Variants in ALLC observed in about 807,000 individuals in gnomAD.
ALLC encodes probable inactive allantoicase.
In ALLC, 40 loss-of-function variants were observed where a neutral mutation model predicts 45.0. The observed-to-expected ratio is 0.89, with a 90% CI of 0.69 to 1.16. ALLC has a LOEUF of 1.16. Among genes scored for constraint, ALLC ranks in the 50% most tolerant of loss-of-function variants. ALLC has a pLI of 0.00. For synonymous variants in ALLC, 176 were observed against 178.1 expected, an observed-to-expected ratio of 0.99 and a Z score of 0.09; for missense variants, 488 against 493.1, an observed-to-expected ratio of 0.99 and a Z score of 0.10.
At chr2:3,658,079 G>C (rs1424339583), upstream of ALLC, 1 of 152,504 alleles carries the variant, frequency 6.6e-6, no homozygotes. Flanking sequence ...GCAGAGGCCT[G>C]CTTGGCTTCT....
rs140256056 is a variant in ALLC, at chr2:3,680,906, A to C, written c.299-728A>C. 1.1e-3 allele frequency among the ~76,000 whole-genome samples: 175 copies of C among 152,334 alleles called. No homozygotes were observed. Among genetic ancestry groups the C allele is most frequent in the Non-Finnish European group, 1.9e-3 (128 of 68,030 alleles). ...ACATTGACATGGCAGATTCGCATCC[A>C]AGATGGAGTCACTTTGTCTCCACAG... On this transcript the variant is annotated intron_variant, in intron 5 of 11. Coordinates refer to ENST00000252505, the MANE Select transcript of ALLC (RefSeq NM_018436.4). This position sits in a 1 kb window ranked among gnomAD's most constrained non-coding sequence, Gnocchi z 4.0.
At chr2:3,684,058 T>C (rs1220091201) in intron 7 of ALLC, among the ~76,000 whole-genome samples, 1 of 152,260 alleles carries the variant, frequency 6.6e-6, no homozygotes, top group Non-Finnish European at 1.5e-5. Context: ...TAAACATTTG[T>C]GTACAAGATT....
chr2:3,663,189 G>T (rs1666617517), intron 1 of ALLC, among the ~76,000 whole-genome samples: 1 of 152,170 alleles, frequency 6.6e-6, no homozygotes, highest in South Asian at 2.1e-4. Flanking sequence ...GCTCATCAAT[G>T]ATAGACTGGA....
rs1553365151 is a variant in ALLC, at chr2:3,680,061, G to A, written c.298+67G>A. On this transcript the variant is annotated intron_variant, in intron 5 of 11. Transcript: ENST00000252505. This position sits in a 1 kb window ranked among gnomAD's most constrained non-coding sequence, Gnocchi z 4.0. ...CACATGGCTCCTCTGGCCAGCCACA[G>A]CCCCACAACTGCTCACTTTCCCTAC... The A allele has an allele frequency of 5.0e-6, 8 of 1,598,116 alleles. No individual in the cohort carries two copies. Among genetic ancestry groups the A allele is most frequent in the African/African-American group, 1.3e-5 (1 of 74,718 alleles).
chr2:3,653,950 C>T (rs543547238), upstream of ALLC, among the ~76,000 whole-genome samples: 1 of 152,312 alleles, frequency 6.6e-6, no homozygotes, highest in East Asian at 1.9e-4. The surrounding 1 kb of genome is among the most constrained non-coding windows in gnomAD (Gnocchi z 4.1). Context: ...TAGATCTTAG[C>T]TTGCATGGTT....
At chr2:3,659,809 C>A (rs1350240563) in intron 1 of ALLC, among the ~76,000 whole-genome samples, 1 of 152,220 alleles carries the variant, frequency 6.6e-6, no homozygotes, top group Non-Finnish European at 1.5e-5. Context: ...GGGCCCTGCA[C>A]AGCACAGGCC....
In ALLC at chr2:3,682,490, A is replaced by G. The variant is rs143377266; in HGVS notation, c.379-452A>G. On this transcript the variant is annotated intron_variant, in intron 6 of 11. Transcript: ENST00000252505. ...GGGCTTGATATGTACTATTTTTATTAAAGTGTTTCATTAGGTATCCATCAT... is the reference window on the plus strand; with the variant it reads ...GGGCTTGATATGTACTATTTTTATTGAAGTGTTTCATTAGGTATCCATCAT... Among the ~76,000 whole-genome samples the G allele has an allele frequency of 4.5e-3, 680 of 152,276 alleles. 3 individuals are homozygous for G. The highest frequency in any genetic ancestry group is 7.7e-3 in the Non-Finnish European group (521 of 68,020).
At chr2:3,695,070 G>T (rs1490512601) in intron 7 of ALLC, 1 of 152,230 alleles carries the variant, frequency 6.6e-6, no homozygotes, top group Non-Finnish European at 1.5e-5. Context: ...AAAACATAAG[G>T]TTCTCTTGTC....
rs1328970361 is a variant in ALLC at position 3,702,513 on chromosome 2, C to T, written c.1126C>T (p.Arg376Trp). 3 of 1,608,502 alleles carry T rather than the reference C, an allele frequency of 1.9e-6. No individual in the cohort carries two copies. The highest frequency in any genetic ancestry group is 1.7e-6 in the Non-Finnish European group (2 of 1,177,940). The part of the protein sequence containing the change: ...FPSSICLLRP[R>W]EKPMLKFSVS... ...CAGCTCCATCTGCCTCCTGAGGCCC[C>T]GGGAGAAGCCCATGTTGAAGTTCTC... Residue 376 changes from arginine (R) to tryptophan (W), a missense_variant, in exon 12 of 12, where the codon CGG becomes TGG. Arg to Trp is a moderately radical substitution (Grantham distance 101). Coordinates refer to ENST00000252505, the MANE Select transcript of ALLC (RefSeq NM_018436.4).
In ALLC at chr2:3,661,478, T is replaced by C. The variant is rs896819417; in HGVS notation, c.-63+3184T>C. Among the ~76,000 whole-genome samples the C allele has an allele frequency of 9.2e-5, 14 of 152,280 alleles. No individual in the cohort carries two copies. The East Asian group carries it at 9.6e-4, about 10-fold the overall frequency. ...GAGCTTGATGTTCTAGGAGAAATGC[T>C]TGGGGCCCAGGACCATCTGCTGGAG... is the stretch of plus-strand genomic sequence containing the variant. On this transcript the variant is annotated intron_variant, in intron 1 of 11. Transcript: ENST00000252505.
At chr2:3,666,640 G>A (rs189688294) in intron 1 of ALLC, among the ~76,000 whole-genome samples, 3 of 152,352 alleles carry the variant, frequency 2.0e-5, no homozygotes, top group African/African-American at 4.8e-5. Context: ...ACAGGGCAGC[G>A]CGCAGTCAGC....
At chr2:3,660,676 A>G (rs1666550506) in intron 1 of ALLC, among the ~76,000 whole-genome samples, 1 of 152,138 alleles carries the variant, frequency 6.6e-6, no homozygotes, top group Non-Finnish European at 1.5e-5. Flanking sequence ...CTGCTGTATC[A>G]TTCCCCTATT....
chr2:3,675,969 C>T (rs1449095913), intron 3 of ALLC, among the ~76,000 whole-genome samples: 2 of 152,208 alleles, frequency 1.3e-5, no homozygotes, highest in Non-Finnish European at 2.9e-5. Flanking sequence ...CCGCTGATTC[C>T]CTCAGGTGAC....
chr2:3,684,990 G>A (rs1457761324), intron 7 of ALLC, among the ~76,000 whole-genome samples: 2 of 152,058 alleles, frequency 1.3e-5, no homozygotes, highest in Non-Finnish European at 2.9e-5. Flanking sequence ...TCATATTTTG[G>A]CTGTGACATT....
chr2:3,656,774 G>A (rs1309313689), upstream of ALLC, among the ~76,000 whole-genome samples: 1 of 145,228 alleles, frequency 6.9e-6, no homozygotes, highest in Non-Finnish European at 1.5e-5. Flanking sequence ...GAGCCAGCTC[G>A]GTGTGGAGGG....
intron 7 of ALLC, among the ~76,000 whole-genome samples, chr2:3,690,589 A>C (rs1042231116): frequency 6.6e-6 from 1 of 151,456 alleles, no homozygotes; most frequent in African/African-American, 2.4e-5. Flanking sequence ...TGAGGCTTAT[A>C]AAAACATCTT....
intron 7 of ALLC, among the ~76,000 whole-genome samples, chr2:3,685,190 A>C (rs1322441456): frequency 6.6e-6 from 1 of 152,130 alleles, no homozygotes; most frequent in African/African-American, 2.4e-5. Flanking sequence ...AATAGTGTAC[A>C]TGGGCTTCAC....
At chr2:3,693,416 G>C (rs1467474309) in intron 7 of ALLC, among the ~76,000 whole-genome samples, 1 of 152,220 alleles carries the variant, frequency 6.6e-6, no homozygotes, top group African/African-American at 2.4e-5. Context: ...AACAGTGCAA[G>C]AAAATGAATG....
the ALLC span, among the ~76,000 whole-genome samples, chr2:3,646,185 C>T: frequency 0.031 from 4,744 of 152,186 alleles, 92 homozygotes; most frequent in African/African-American, 0.057. Context: ...AGAGAAGAAC[C>T]GGGTTCCCTA....
Sources: allele counts gnomAD v4.1 joint callset (sites outside exome capture counted in the v4.1 genomes callset), GRCh38; gene constraint gnomAD v4.1.1; non-coding constraint Gnocchi (gnomAD v3.1); transcripts MANE v1.5; gene names NCBI Gene and HGNC (gene_info 2026-07-23, HGNC 2026-07-21).